Variants in AKAP6 observed in about 807,000 individuals in gnomAD.
AKAP6 encodes A-kinase anchor protein 6.
In AKAP6, 58 loss-of-function variants were observed where a neutral mutation model predicts 188.5. The observed-to-expected ratio is 0.31, with a 90% CI of 0.25 to 0.38. The LOEUF (loss-of-function observed/expected upper bound fraction) is 0.38, where lower values mean the gene tolerates loss of function less well. AKAP6 is among the 10% of genes least tolerant of loss of function. AKAP6 has a pLI of 1.00. For missense variants in AKAP6, 2,710 were observed against 2,740.0 expected, an observed-to-expected ratio of 0.99 and a Z score of 0.24; for synonymous variants, 989 against 998.6, an observed-to-expected ratio of 0.99 and a Z score of 0.18.
intron 12 of AKAP6, among the ~76,000 whole-genome samples, chr14:32,780,635 T>C (rs1314220441): frequency 6.6e-6 from 1 of 152,122 alleles, no homozygotes; most frequent in East Asian, 1.9e-4. Context: ...ACAAAACAAG[T>C]CTTAAATTTA....
At chr14:32,809,917 A>G (rs1222232451) in intron 12 of AKAP6, among the ~76,000 whole-genome samples, 1 of 152,050 alleles carries the variant, frequency 6.6e-6, no homozygotes, top group African/African-American at 2.4e-5. Flanking sequence ...CTGGTATTTT[A>G]TTTCCCTGAT....
At chr14:32,487,879 C>T (rs548406195) in intron 2 of AKAP6, among the ~76,000 whole-genome samples, 1 of 152,346 alleles carries the variant, frequency 6.6e-6, no homozygotes, top group African/African-American at 2.4e-5. Context: ...GGCTGAGGAA[C>T]AGCAAAGATT....
intron 7 of AKAP6, among the ~76,000 whole-genome samples, chr14:32,662,837 G>T (rs997997767): frequency 6.6e-6 from 1 of 151,944 alleles, no homozygotes; most frequent in Non-Finnish European, 1.5e-5. Context: ...CTTTCTTTAG[G>T]GGTGGTAAAA....
At chr14:32,578,340 A>C (rs1282511565) in intron 5 of AKAP6, among the ~76,000 whole-genome samples, 2 of 152,182 alleles carry the variant, frequency 1.3e-5, no homozygotes, top group Non-Finnish European at 2.9e-5. Flanking sequence ...ATAGCCTTGC[A>C]GATGATAAAG....
At chr14:32,689,892 A>C (rs1192537730) in intron 8 of AKAP6, among the ~76,000 whole-genome samples, 1 of 152,134 alleles carries the variant, frequency 6.6e-6, no homozygotes, top group Non-Finnish European at 1.5e-5. Context: ...TAATGTGAAC[A>C]GCGAACACTT....
intron 9 of AKAP6, among the ~76,000 whole-genome samples, chr14:32,729,260 G>A (rs1158802139): frequency 6.6e-6 from 1 of 151,996 alleles, no homozygotes; most frequent in East Asian, 1.9e-4. Context: ...CAGAATTTTC[G>A]GTGTGATTTC....
chr14:32,707,104 T>TAC (rs1305121683), intron 9 of AKAP6, among the ~76,000 whole-genome samples: 1 of 152,102 alleles, frequency 6.6e-6, no homozygotes, highest in Non-Finnish European at 1.5e-5. Context: ...GTGGAGGAAG[T>TAC]ACACACACAT....
intron 9 of AKAP6, among the ~76,000 whole-genome samples, chr14:32,724,990 T>TA (rs71432079): frequency 0.033 from 1,135 of 34,884 alleles, 207 homozygotes; most frequent in African/African-American, 0.097. Context: ...ATATTCAACC[T>TA]AAAAAAAAAA....
intron 11 of AKAP6, among the ~76,000 whole-genome samples, chr14:32,741,248 T>A (rs1040292794): frequency 1.1e-4 from 16 of 152,050 alleles, no homozygotes; most frequent in Non-Finnish European, 2.1e-4. Flanking sequence ...TTACTGAATT[T>A]ATCAGTTTGA....
At chr14:32,481,603 T>C (rs1354275824) in intron 2 of AKAP6, among the ~76,000 whole-genome samples, 1 of 152,148 alleles carries the variant, frequency 6.6e-6, no homozygotes, top group Admixed American at 6.6e-5. Context: ...ACTTATTCAT[T>C]ATCACGGGAA....
chr14:32,428,823 T>C (rs1043275047), intron 1 of AKAP6, among the ~76,000 whole-genome samples: 7 of 152,194 alleles, frequency 4.6e-5, no homozygotes, highest in Admixed American at 2.0e-4. Context: ...AAGCCATCCA[T>C]GGCATGTTTC....
rs139494011 is a variant in AKAP6, at chr14:32,670,066, C to T, written c.2731-8245C>T. On this transcript the variant is annotated intron_variant, in intron 7 of 13. Transcript: ENST00000280979. The stretch of plus-strand genomic sequence containing the variant: ...GAGCCAAGATCTTGCCACTGTACAG[C>T]GGCCTGAGTGACAGAGTGAGACTCT... 7.4e-3 allele frequency among the ~76,000 whole-genome samples: 1,092 copies of T among 147,974 alleles called. 18 individuals are homozygous for T. Among genetic ancestry groups the T allele is most frequent in the African/African-American group, 0.024 (943 of 40,096 alleles).
Position 32,814,428 on chromosome 14 carries a change from C to T in AKAP6, c.3589-6974C>T, listed in dbSNP as rs556944952. 2.0e-5 allele frequency among the ~76,000 whole-genome samples: 3 copies of T among 152,234 alleles called. No homozygotes were observed. In the East Asian group the frequency reaches 5.8e-4, roughly 29 times the overall value. ...ATTCCTTCCTCCCCGCCCGCAGGCC[C>T]TGGAAAGTACCAGTCTCATTCATCT... is the stretch of plus-strand genomic sequence containing the variant. On this transcript the variant is annotated intron_variant, in intron 12 of 13. Transcript: ENST00000280979.
intron 7 of AKAP6, among the ~76,000 whole-genome samples, chr14:32,659,683 C>T (rs1057248543): frequency 3.3e-5 from 5 of 152,004 alleles, no homozygotes; most frequent in East Asian, 1.9e-4. Flanking sequence ...CTAACCTTTT[C>T]GACATCTAGC....
chr14:32,493,837 C>T (rs6571528), intron 2 of AKAP6, among the ~76,000 whole-genome samples: 13,081 of 152,164 alleles, frequency 0.086, 1,639 homozygotes, highest in African/African-American at 0.28. Context: ...CCTGACATAG[C>T]GACTGCCAAC....
At chr14:32,392,682 T>G (rs1482875902) in intron 1 of AKAP6, among the ~76,000 whole-genome samples, 1 of 152,094 alleles carries the variant, frequency 6.6e-6, no homozygotes, top group Admixed American at 6.6e-5. Flanking sequence ...CACCAGAAAC[T>G]ACAGCTGTGC....
chr14:32,369,371 T>G (rs2138513944), intron 1 of AKAP6, among the ~76,000 whole-genome samples: 1 of 152,380 alleles, frequency 6.6e-6, no homozygotes, highest in African/African-American at 2.4e-5. Context: ...TGTTACAGAT[T>G]TCCTGTTGTC....
intron 9 of AKAP6, among the ~76,000 whole-genome samples, chr14:32,705,088 T>C (rs1318472246): frequency 6.6e-6 from 1 of 152,200 alleles, no homozygotes; most frequent in Non-Finnish European, 1.5e-5. Flanking sequence ...CCGTATCTCA[T>C]AACATTGTCT....
At chr14:32,723,239 T>C (rs554686929) in intron 9 of AKAP6, among the ~76,000 whole-genome samples, 1 of 152,352 alleles carries the variant, frequency 6.6e-6, no homozygotes, top group South Asian at 2.1e-4. Flanking sequence ...TAAAGGCAAG[T>C]GAAGCCTTGT....
Sources: allele counts gnomAD v4.1 joint callset (sites outside exome capture counted in the v4.1 genomes callset), GRCh38; gene constraint gnomAD v4.1.1; transcripts MANE v1.5; gene names NCBI Gene and HGNC (gene_info 2026-07-23, HGNC 2026-07-21).